The following SMYD3 variants were observed in gnomAD, a reference collection of about 807,000 sequenced individuals.
SMYD3 encodes SET and MYND domain containing 3.
Under a neutral mutation model 57.7 loss-of-function variants are expected in SMYD3, and 36 were observed. The ratio of observed to expected loss-of-function variants is 0.62; its 90% CI spans 0.48 to 0.82. SMYD3 has a LOEUF of 0.82. Ranked by LOEUF, SMYD3 falls within the 40% of genes least tolerant of loss-of-function variation. SMYD3 has a pLI of 0.00. For missense variants in SMYD3, 515 were observed against 538.8 expected (o/e 0.96, Z 0.44); for synonymous variants, 211 against 195.0 (o/e 1.08, Z -0.68).
chr1:246,237,223 T>C (rs953445900), intron 5 of SMYD3, among the ~76,000 whole-genome samples: 1 of 152,128 alleles, frequency 6.6e-6, no homozygotes, highest in Non-Finnish European at 1.5e-5. Context: ...CGCAGCTCCA[T>C]TCCCATCTCA....
At chr1:246,028,873 T>C (rs1055941302) in intron 5 of SMYD3, among the ~76,000 whole-genome samples, 4 of 152,128 alleles carry the variant, frequency 2.6e-5, no homozygotes, top group African/African-American at 9.7e-5. Context: ...GGTACTGGTA[T>C]AAAAACAAAC....
intron 5 of SMYD3, among the ~76,000 whole-genome samples, chr1:246,013,107 A>G (rs904774425): frequency 8.5e-5 from 13 of 152,332 alleles, no homozygotes; most frequent in African/African-American, 3.1e-4. Context: ...AGCTTTAAAT[A>G]GGAGAAAAGT....
chr1:245,898,096 A>G (rs1217716840), intron 8 of SMYD3, among the ~76,000 whole-genome samples: 1 of 152,186 alleles, frequency 6.6e-6, no homozygotes, highest in Non-Finnish European at 1.5e-5. Flanking sequence ...GGCTGCTGAT[A>G]CATTAAGGGT....
intron 5 of SMYD3, among the ~76,000 whole-genome samples, chr1:246,085,929 A>C (rs1208598740): frequency 2.0e-5 from 3 of 151,984 alleles, no homozygotes; most frequent in Admixed American, 6.6e-5. Context: ...TTCCTTGGTG[A>C]AACAAGGGGT....
chr1:245,893,819 C>T (rs2053556058), intron 8 of SMYD3, among the ~76,000 whole-genome samples: 1 of 152,016 alleles, frequency 6.6e-6, no homozygotes, highest in African/African-American at 2.4e-5. Context: ...GAACTGTACA[C>T]TAAAAAGGGT....
chr1:246,166,943 G>A (rs966421018), intron 5 of SMYD3, among the ~76,000 whole-genome samples: 4 of 152,176 alleles, frequency 2.6e-5, no homozygotes, highest in Admixed American at 2.0e-4. Flanking sequence ...GCTCTCGGGT[G>A]CCCCTTCCCA....
At position 246,016,325 on chromosome 1, in the gene SMYD3, G is replaced by A. The variant is rs2059375956; in HGVS notation, c.532-86388C>T. Among the ~76,000 whole-genome samples, 6 of 152,200 alleles carry A rather than the reference G, an allele frequency of 3.9e-5. No homozygotes were observed. In the South Asian group the frequency reaches 1.0e-3, roughly 26 times the overall value. ...TGGCTGGGCGCGGTGGCTCATGCCT[G>A]TAATCCCAACATTTTGGGAGGCCGA... On this transcript the variant is annotated intron_variant, in intron 5 of 11. Transcript: ENST00000490107.
intron 1 of SMYD3, among the ~76,000 whole-genome samples, chr1:246,504,682 G>T (rs1302109882): frequency 1.3e-5 from 2 of 152,098 alleles, no homozygotes; most frequent in African/African-American, 4.8e-5. Context: ...AATTCAGATG[G>T]AAGGCAGCAG....
chr1:246,327,158 T>C (rs2065368216), intron 5 of SMYD3, 43 bp downstream of exon 5: 3 of 1,610,496 alleles, frequency 1.9e-6, no homozygotes, highest in Non-Finnish European at 2.5e-6. Context: ...AAGGAGCAAA[T>C]GGTTGATGTA....
chr1:246,481,621 T>TATATATATATATATATATAC lies in SMYD3; in HGVS notation c.164+25432_164+25433insGTATATATATATATATATAT, dbSNP rs1307881494. The stretch of plus-strand genomic sequence containing the variant: ...ATATATATATATACACATACATATA[T>TATATATATATATATATATAC]ACATACATACATACACATATTCATA... On this transcript the variant is annotated intron_variant, in intron 1 of 11. Coordinates refer to ENST00000490107, the MANE Select transcript of SMYD3 (RefSeq NM_001167740.2). 1.8e-3 allele frequency among the ~76,000 whole-genome samples: 179 copies of TATATATATATATATATATAC among 98,370 alleles called. 5 individuals are homozygous for TATATATATATATATATATAC. Among genetic ancestry groups the TATATATATATATATATATAC allele is most frequent in the East Asian group, 2.9e-3 (8 of 2,730 alleles). 64.5% of individuals were successfully genotyped at this position (98,370 alleles called of 152,430 possible).
intron 5 of SMYD3, among the ~76,000 whole-genome samples, chr1:246,247,026 C>G (rs1280566643): frequency 2.0e-5 from 3 of 152,090 alleles, no homozygotes; most frequent in Non-Finnish European, 4.4e-5. Context: ...TCAACTAAGA[C>G]TAAATGCTCT....
chr1:246,480,088 TTTTATAACAGC>T (rs774536196), intron 1 of SMYD3, among the ~76,000 whole-genome samples: 4 of 152,216 alleles, frequency 2.6e-5, no homozygotes, highest in Admixed American at 6.5e-5. Context: ...TCTTTTTAGT[TTTTATAACAGC>T]TTCATAGAGC....
intron 8 of SMYD3, among the ~76,000 whole-genome samples, chr1:245,898,908 A>T (rs2148608754): frequency 6.6e-6 from 1 of 152,328 alleles, no homozygotes; most frequent in Middle Eastern, 3.4e-3. Context: ...ATGAGGACCC[A>T]AATCATTCAA....
At position 246,213,807 on chromosome 1, in the gene SMYD3, A is replaced by C. The variant is rs777269143; in HGVS notation, c.531+113394T>G. ...ATCCCAGTTTTAAACTTGCCTATAA[A>C]GAACGAACTTAGTGTGCTTTTCTGC... On this transcript the variant is annotated intron_variant, in intron 5 of 11. Coordinates refer to ENST00000490107, the MANE Select transcript of SMYD3 (RefSeq NM_001167740.2). 6.6e-4 allele frequency among the ~76,000 whole-genome samples: 100 copies of C among 152,204 alleles called. 3 individuals are homozygous for C. Among genetic ancestry groups the C allele is most frequent in the Non-Finnish European group, 1.3e-4 (9 of 68,042 alleles).
Position 246,274,695 on chromosome 1 carries a change from G to A in SMYD3, c.531+52506C>T, listed in dbSNP as rs188933953. On this transcript the variant is annotated intron_variant, in intron 5 of 11. Transcript: ENST00000490107. The stretch of plus-strand genomic sequence containing the variant: ...AAATGCCTCCTAACAGACACAGGCC[G>A]TCCGAAGGTCAATCAAATCCCATGG... Among the ~76,000 whole-genome samples the A allele has an allele frequency of 2.5e-3, 385 of 152,094 alleles. 7 individuals are homozygous for A. The highest frequency in any genetic ancestry group is 6.3e-4 in the Non-Finnish European group (43 of 68,014).
chr1:246,405,625 G>A (rs1030193586), intron 1 of SMYD3, among the ~76,000 whole-genome samples: 3 of 151,982 alleles, frequency 2.0e-5, no homozygotes, highest in Non-Finnish European at 4.4e-5. Flanking sequence ...AATGGACTCT[G>A]AGGCCAGGTG....
chr1:246,457,544 A>G (rs80074872), intron 1 of SMYD3, among the ~76,000 whole-genome samples: 5 of 87,244 alleles, frequency 5.7e-5, no homozygotes, highest in Non-Finnish European at 9.9e-5. Flanking sequence ...AAAAAAAAAA[A>G]AAAAGAAAAG....
chr1:245,892,531 C>T (rs2053452010), intron 8 of SMYD3, among the ~76,000 whole-genome samples: 1 of 152,318 alleles, frequency 6.6e-6, no homozygotes, highest in Admixed American at 6.5e-5. Context: ...TCAAGCTGTC[C>T]TCTTATCCAC....
chr1:245,870,997 C>T (rs1253570770), intron 8 of SMYD3, among the ~76,000 whole-genome samples: 1 of 152,182 alleles, frequency 6.6e-6, no homozygotes, highest in African/African-American at 2.4e-5. Flanking sequence ...CTTCCCAGTA[C>T]TTCCTGTTAT....
Sources: gnomAD v4.1 joint callset for allele counts (sites outside exome capture counted in the v4.1 genomes callset) on GRCh38, gnomAD v4.1.1 for gene constraint, MANE v1.5 for transcripts, NCBI Gene and HGNC (gene_info 2026-07-23, HGNC 2026-07-21) for gene names.